ANGPT1: variants seen among roughly 807,000 people sequenced by gnomAD.
ANGPT1 encodes angiopoietin 1.
ANGPT1 carries 17 observed loss-of-function variants against 62.2 expected under a neutral mutation model. That is an observed-to-expected ratio of 0.27 (90% CI 0.19 to 0.41). The LOEUF (loss-of-function observed/expected upper bound fraction) is 0.41. Ranked by LOEUF, ANGPT1 falls within the 10% of genes least tolerant of loss-of-function variation. The pLI, the probability that ANGPT1 is intolerant of heterozygous loss-of-function variation, is 1.00. For synonymous variants in ANGPT1, 199 were observed against 198.9 expected (o/e 1.00, Z 0.00); for missense variants, 478 against 594.9 (o/e 0.80, Z 2.04).
chr8:107,430,668 G>T (rs1811160847), intron 1 of ANGPT1, among the ~76,000 whole-genome samples: 1 of 152,162 alleles, frequency 6.6e-6, no homozygotes, highest in Admixed American at 6.5e-5. Context: ...AGATGTGATG[G>T]TGGAAGCAAG....
intron 1 of ANGPT1, among the ~76,000 whole-genome samples, chr8:107,372,987 TG>T (rs1187156371): frequency 2.0e-5 from 3 of 152,098 alleles, no homozygotes; most frequent in Non-Finnish European, 4.4e-5. Flanking sequence ...AACTATTACC[TG>T]CAATTAAAAT....
intron 1 of ANGPT1, among the ~76,000 whole-genome samples, chr8:107,431,262 G>T (rs146879907): frequency 1.6e-3 from 243 of 152,290 alleles, no homozygotes; most frequent in African/African-American, 5.6e-3. Flanking sequence ...AAAAAAAATT[G>T]ACTGTGTCTA....
At chr8:107,459,658 T>C (rs181504410) in intron 1 of ANGPT1, among the ~76,000 whole-genome samples, 5 of 152,342 alleles carry the variant, frequency 3.3e-5, no homozygotes, top group Admixed American at 6.5e-5. Flanking sequence ...TTTCACTTTA[T>C]ATTCGCCAAT....
intron 1 of ANGPT1, among the ~76,000 whole-genome samples, chr8:107,494,010 A>G (rs1300032180): frequency 1.3e-5 from 2 of 150,536 alleles, no homozygotes; most frequent in East Asian, 2.0e-4. Flanking sequence ...ATGGCAATTC[A>G]TAACTATATT....
intron 1 of ANGPT1, among the ~76,000 whole-genome samples, chr8:107,483,515 C>T (rs1000470750): frequency 1.3e-5 from 2 of 151,872 alleles, no homozygotes; most frequent in Non-Finnish European, 2.9e-5. Flanking sequence ...TTCTTTTTTT[C>T]TAAGCATAGA....
chr8:107,380,690 C>CA (rs1816619911), intron 1 of ANGPT1, among the ~76,000 whole-genome samples: 1 of 151,982 alleles, frequency 6.6e-6, no homozygotes, highest in Admixed American at 6.6e-5. Flanking sequence ...AATGTGTCTC[C>CA]AAAAAATGGA....
chr8:107,283,949 A>T (rs1009688805), intron 7 of ANGPT1: 3 of 152,222 alleles, frequency 2.0e-5, no homozygotes, highest in African/African-American at 7.2e-5. Context: ...TTCCAGGAAC[A>T]CAGAAGTAAC....
intron 8 of ANGPT1, among the ~76,000 whole-genome samples, chr8:107,260,559 G>A (rs574833603): frequency 6.6e-6 from 1 of 152,206 alleles, no homozygotes; most frequent in South Asian, 2.1e-4. Flanking sequence ...TAGTAGTGGT[G>A]GGGAGTAACT....
chr8:107,289,669 A>C (rs891411880), intron 6 of ANGPT1, among the ~76,000 whole-genome samples: 8 of 152,146 alleles, frequency 5.3e-5, no homozygotes, highest in African/African-American at 1.9e-4. Flanking sequence ...AATATAGCTG[A>C]AAATGTGCTC....
intron 7 of ANGPT1, among the ~76,000 whole-genome samples, chr8:107,275,805 A>G (rs7013390): frequency 0.92 from 139,776 of 152,196 alleles, 64,230 homozygotes; most frequent in Middle Eastern, 0.97. Flanking sequence ...TAGATAATTT[A>G]TTGGAGGCAG....
chr8:107,388,917 C>T (rs1034818424), intron 1 of ANGPT1, among the ~76,000 whole-genome samples: 2 of 152,112 alleles, frequency 1.3e-5, no homozygotes, highest in African/African-American at 2.4e-5. Flanking sequence ...CATTATTGTA[C>T]ACTTTTGTTC....
chr8:107,411,313 A>G (rs1250909305), intron 1 of ANGPT1, among the ~76,000 whole-genome samples: 1 of 152,236 alleles, frequency 6.6e-6, no homozygotes, highest in East Asian at 1.9e-4. Context: ...CCAGCTAAAT[A>G]TAAGTTGTAT....
rs111856923 is a variant in ANGPT1 at position 107,281,609 on chromosome 8, T to G, written c.1205+3073A>C. On this transcript the variant is annotated intron_variant, in intron 7 of 8. Coordinates refer to ENST00000517746, the MANE Select transcript of ANGPT1 (RefSeq NM_001146.5). ...CTGGCTAACACGGTGAAACTCCGTC[T>G]CTACTAAAAATACAAAAAATTAGCC... Among the ~76,000 whole-genome samples the G allele has an allele frequency of 6.2e-3, 938 of 152,120 alleles. 5 individuals are homozygous for G. The highest frequency in any genetic ancestry group is 9.8e-3 in the Admixed American group (150 of 15,270).
intron 8 of ANGPT1, among the ~76,000 whole-genome samples, chr8:107,261,437 G>T (rs572757455): frequency 1.5e-3 from 222 of 152,286 alleles, no homozygotes; most frequent in African/African-American, 5.0e-3. Context: ...CGGGCACGGT[G>T]GCTCACACCT....
intron 1 of ANGPT1, among the ~76,000 whole-genome samples, chr8:107,348,405 A>G (rs145912450): frequency 0.011 from 1,710 of 152,328 alleles, 22 homozygotes; most frequent in Middle Eastern, 0.02. Context: ...TTTATCAAGA[A>G]CAAATCTGTC....
chr8:107,258,777 T>G (rs1381513681), intron 8 of ANGPT1, among the ~76,000 whole-genome samples: 1 of 152,214 alleles, frequency 6.6e-6, no homozygotes, highest in Non-Finnish European at 1.5e-5. Context: ...CAGTCTTTGA[T>G]AGTCATCTCT....
At chr8:107,276,025 C>T (rs1813856955) in intron 7 of ANGPT1, among the ~76,000 whole-genome samples, 1 of 152,046 alleles carries the variant, frequency 6.6e-6, no homozygotes, top group Admixed American at 6.6e-5. Context: ...AGAGATTTTC[C>T]CAACACTTAA....
intron 4 of ANGPT1, among the ~76,000 whole-genome samples, chr8:107,319,492 T>A (rs1815101537): frequency 1.3e-5 from 2 of 152,120 alleles, no homozygotes; most frequent in Middle Eastern, 3.4e-3. Context: ...TATTCTGGTA[T>A]GCTTATTTTG....
chr8:107,465,305 A>G (rs1812172443), intron 1 of ANGPT1, among the ~76,000 whole-genome samples: 1 of 152,190 alleles, frequency 6.6e-6, no homozygotes, highest in African/African-American at 2.4e-5. Context: ...AAACTGCTGC[A>G]TATATTAGTA....
Sources: gnomAD v4.1 joint callset for allele counts (sites outside exome capture counted in the v4.1 genomes callset) on GRCh38, gnomAD v4.1.1 for gene constraint, MANE v1.5 for transcripts, NCBI Gene and HGNC (gene_info 2026-07-23, HGNC 2026-07-21) for gene names.